The following ARMC2 variants were observed in gnomAD, a reference collection of about 807,000 sequenced individuals.
ARMC2 encodes the protein armadillo repeat containing 2, also known as armadillo repeat-containing protein 2.
ARMC2 carries 67 observed loss-of-function variants against 90.3 expected under a neutral mutation model. The observed-to-expected ratio is 0.74, with a 90% CI of 0.61 to 0.91. The LOEUF is 0.91. Among genes scored for constraint, ARMC2 ranks in the 40% least tolerant of loss-of-function variants. The pLI is 0.00. For synonymous variants in ARMC2, 393 were observed against 393.0 expected (o/e 1.00, Z 0.00); for missense variants, 920 against 1,030.9 (o/e 0.89, Z 1.47).
At position 108,954,856 on chromosome 6, in the gene ARMC2, G is replaced by C. The variant is rs569903439; in HGVS notation, c.1915+1505G>C. On this transcript the variant is annotated intron_variant, in intron 13 of 17. Transcript: ENST00000392644. ...GCTCAGGCTGCCATAACAAAATCCC[G>C]TAAACTGGGGAGCTTCAACAACAGA... Among the ~76,000 whole-genome samples the C allele has an allele frequency of 7.2e-5, 11 of 152,232 alleles. No homozygotes were observed. The South Asian group carries it at 1.7e-3, about 23-fold the overall frequency.
intron 5 of ARMC2, among the ~76,000 whole-genome samples, chr6:108,890,126 C>T (rs1344023169): frequency 7.6e-6 from 1 of 132,430 alleles, no homozygotes; most frequent in Non-Finnish European, 1.5e-5. Context: ...GGAGGCGGAG[C>T]TTGCAGTGAG....
the ARMC2 span, chr6:108,998,475 A>G: frequency 6.2e-7 from 1 of 1,608,656 alleles, no homozygotes; most frequent in East Asian, 2.2e-5. Flanking sequence ...AATTATTGTG[A>G]TTAGTTTTAT....
At chr6:109,035,886 A>G in the ARMC2 span, among the ~76,000 whole-genome samples, 1 of 152,148 alleles carries the variant, frequency 6.6e-6, no homozygotes, top group Admixed American at 6.5e-5. Flanking sequence ...GGGATTACAG[A>G]CGTGACCACT....
Position 108,863,957 on chromosome 6 carries a change from G to A in ARMC2, c.292-4867G>A, listed in dbSNP as rs114535912. Among the ~76,000 whole-genome samples, 619 of 152,282 alleles carry A rather than the reference G, an allele frequency of 4.1e-3. 2 individuals are homozygous for A. The highest frequency in any genetic ancestry group is 0.014 in the African/African-American group (580 of 41,540). On this transcript the variant is annotated intron_variant, in intron 3 of 17. Transcript: ENST00000392644. ...GTGGATTAGTTTGAGCCACATAACT[G>A]AGCTCCAGGTAATTGATAAGTGAAA...
At chr6:109,026,155 A>T in the ARMC2 span, among the ~76,000 whole-genome samples, 1 of 152,226 alleles carries the variant, frequency 6.6e-6, no homozygotes, top group Non-Finnish European at 1.5e-5. Context: ...TATTGAGAGA[A>T]AATATCATTG....
chr6:109,005,071 A>T, the ARMC2 span, among the ~76,000 whole-genome samples: 1 of 152,244 alleles, frequency 6.6e-6, no homozygotes, highest in Admixed American at 6.5e-5. Flanking sequence ...TTCCATCCTA[A>T]GTGTTAACCT....
the ARMC2 span, chr6:108,990,830 A>G: frequency 6.2e-7 from 1 of 1,613,156 alleles, no homozygotes; most frequent in Non-Finnish European, 8.5e-7. Flanking sequence ...CTTCCCAGCA[A>G]TAGTCCTAAA....
intron 7 of ARMC2, among the ~76,000 whole-genome samples, chr6:108,903,280 T>C (rs1772339004): frequency 6.6e-6 from 1 of 152,196 alleles, no homozygotes; most frequent in South Asian, 2.1e-4. Flanking sequence ...TTTTTTATTT[T>C]ATTTTATTTT....
At chr6:109,027,613 G>A in the ARMC2 span, among the ~76,000 whole-genome samples, 291 of 150,438 alleles carry the variant, frequency 1.9e-3, 1 homozygote, top group African/African-American at 6.7e-3. Context: ...TGGGACATTT[G>A]ATAATGTCTG....
chr6:109,000,397 ACT>A, the ARMC2 span: 7 of 930,642 alleles, frequency 7.5e-6, no homozygotes, highest in Non-Finnish European at 1.1e-5. Flanking sequence ...GAAAATAGGA[ACT>A]CTCTGTACTT....
intron 17 of ARMC2, among the ~76,000 whole-genome samples, chr6:108,969,862 T>C (rs1778638929): frequency 6.6e-6 from 1 of 152,072 alleles, no homozygotes; most frequent in Non-Finnish European, 1.5e-5. Context: ...GGCAACGTAG[T>C]GAGACCCATC....
At chr6:108,994,695 TATC>T in the ARMC2 span, 1 of 770,610 alleles carries the variant, frequency 1.3e-6, no homozygotes, top group Non-Finnish European at 1.8e-6. Flanking sequence ...TAAGAATTTA[TATC>T]TTTTTTTTTT....
the ARMC2 span, chr6:108,994,738 T>G: frequency 1.2e-6 from 1 of 814,266 alleles, no homozygotes; most frequent in Non-Finnish European, 1.7e-6. Flanking sequence ...AGTCTTGCTC[T>G]GTTGCCCAGG....
chr6:109,006,195 T>G, the ARMC2 span, among the ~76,000 whole-genome samples: 3 of 152,198 alleles, frequency 2.0e-5, no homozygotes, highest in Admixed American at 2.0e-4. Context: ...TTCTACAATA[T>G]TCATGAAAAA....
At chr6:108,910,300 G>A (rs1030853253) in intron 8 of ARMC2, among the ~76,000 whole-genome samples, 1 of 151,980 alleles carries the variant, frequency 6.6e-6, no homozygotes, top group African/African-American at 2.4e-5. Flanking sequence ...AAAAAATGTT[G>A]AAAAAATTAG....
intron 17 of ARMC2, among the ~76,000 whole-genome samples, chr6:108,968,814 G>A (rs1357639837): frequency 6.6e-6 from 1 of 152,124 alleles, no homozygotes; most frequent in East Asian, 1.9e-4. Flanking sequence ...AGTAATGTAA[G>A]TTACCTAACT....
chr6:108,933,189 C>T (rs1200391947), intron 11 of ARMC2, among the ~76,000 whole-genome samples: 1 of 152,012 alleles, frequency 6.6e-6, no homozygotes, highest in Non-Finnish European at 1.5e-5. Context: ...CAAATTCTTC[C>T]TATCCATAAG....
chr6:108,966,962 C>CA (rs1778415680), intron 17 of ARMC2, among the ~76,000 whole-genome samples: 1 of 152,168 alleles, frequency 6.6e-6, no homozygotes, highest in Non-Finnish European at 1.5e-5. Flanking sequence ...AGCCAGGAAA[C>CA]AAGATACTGC....
the ARMC2 span, chr6:109,009,286 T>C: frequency 1.5e-6 from 2 of 1,335,464 alleles, no homozygotes; most frequent in African/African-American, 3.1e-5. Flanking sequence ...ACCTCCGTGT[T>C]GCACAGGGCA....
Sources: gnomAD v4.1 joint callset for allele counts (sites outside exome capture counted in the v4.1 genomes callset) on GRCh38, gnomAD v4.1.1 for gene constraint, MANE v1.5 for transcripts, NCBI Gene and HGNC (gene_info 2026-07-23, HGNC 2026-07-21) for gene names.